The following PABPC4L variants were observed in gnomAD, a reference collection of about 807,000 sequenced individuals.
PABPC4L encodes poly(A) binding protein cytoplasmic 4 like.
For synonymous variants in PABPC4L, 169 were observed against 164.1 expected (o/e 1.03, Z -0.23); for missense variants, 452 against 451.4 (o/e 1.00, Z -0.01).
the PABPC4L span, among the ~76,000 whole-genome samples, chr4:133,976,168 C>T: frequency 1.3e-5 from 2 of 152,052 alleles, no homozygotes; most frequent in Admixed American, 6.6e-5. Flanking sequence ...CATATGTTCT[C>T]ATTGTTCAGG....
At chr4:133,952,165 G>A in the PABPC4L span, among the ~76,000 whole-genome samples, 10 of 152,092 alleles carry the variant, frequency 6.6e-5, no homozygotes, top group African/African-American at 2.2e-4. Flanking sequence ...TTGAAGGTTG[G>A]AATTCCTCCA....
chr4:133,980,558 G>A, the PABPC4L span, among the ~76,000 whole-genome samples: 1 of 152,172 alleles, frequency 6.6e-6, no homozygotes, highest in Non-Finnish European at 1.5e-5. Flanking sequence ...GACAGGGAAA[G>A]AGAAACTTCT....
chr4:134,120,631 T>C, the PABPC4L span, among the ~76,000 whole-genome samples: 688 of 151,292 alleles, frequency 4.5e-3, 9 homozygotes, highest in African/African-American at 0.016. Context: ...TACTTCTATG[T>C]TCCTTCAAGA....
the PABPC4L span, among the ~76,000 whole-genome samples, chr4:133,961,505 G>A: frequency 6.6e-6 from 1 of 152,238 alleles, no homozygotes; most frequent in South Asian, 2.1e-4. Flanking sequence ...AAAACAGGAG[G>A]TAAAGAAATA....
the PABPC4L span, among the ~76,000 whole-genome samples, chr4:134,106,932 G>A: frequency 4.9e-4 from 75 of 151,518 alleles, 2 homozygotes; most frequent in Non-Finnish European, 9.5e-4. Flanking sequence ...TGAGCATACA[G>A]AGCATTGGCA....
At chr4:134,144,306 C>T in the PABPC4L span, among the ~76,000 whole-genome samples, 68 of 151,590 alleles carry the variant, frequency 4.5e-4, no homozygotes, top group East Asian at 8.7e-3. Flanking sequence ...ATTCCCTATA[C>T]CTATCTATTT....
chr4:134,148,520 G>A, the PABPC4L span, among the ~76,000 whole-genome samples: 1 of 151,950 alleles, frequency 6.6e-6, no homozygotes, highest in Admixed American at 6.6e-5. Flanking sequence ...TCAGCAGTTC[G>A]GCTAGTCCAG....
the PABPC4L span, among the ~76,000 whole-genome samples, chr4:134,028,151 A>T: frequency 6.6e-6 from 1 of 152,164 alleles, no homozygotes; most frequent in African/African-American, 2.4e-5. Context: ...CAGAAACTCT[A>T]GAGATAGGAC....
chr4:134,155,183 C>T, the PABPC4L span, among the ~76,000 whole-genome samples: 1 of 151,978 alleles, frequency 6.6e-6, no homozygotes, highest in African/African-American at 2.4e-5. Flanking sequence ...TTATCCAGTA[C>T]TTTAATTTGA....
chr4:133,949,485 G>A, the PABPC4L span, among the ~76,000 whole-genome samples: 1 of 152,080 alleles, frequency 6.6e-6, no homozygotes, highest in African/African-American at 2.4e-5. Flanking sequence ...CCAGTGAAGG[G>A]GCTCTCTCAT....
chr4:134,192,078 T>C (rs1729525904), downstream of PABPC4L, among the ~76,000 whole-genome samples: 1 of 152,120 alleles, frequency 6.6e-6, no homozygotes, highest in African/African-American at 2.4e-5. Flanking sequence ...TGAATGTTCA[T>C]AGCAGTAGTA....
the PABPC4L span, among the ~76,000 whole-genome samples, chr4:134,155,504 T>C: frequency 2.0e-5 from 3 of 151,844 alleles, no homozygotes; most frequent in Admixed American, 6.6e-5. Context: ...TCTATGTCTA[T>C]CTTCCCCATT....
the PABPC4L span, among the ~76,000 whole-genome samples, chr4:134,125,570 A>G: frequency 6.6e-6 from 1 of 152,274 alleles, no homozygotes; most frequent in Admixed American, 6.5e-5. Context: ...AAAATTAAAT[A>G]AATTAAAAGA....
chr4:133,987,133 G>T, the PABPC4L span, among the ~76,000 whole-genome samples: 1 of 152,114 alleles, frequency 6.6e-6, no homozygotes, highest in African/African-American at 2.4e-5. Context: ...TGTTGTTGTT[G>T]TTGTTGTTTT....
chr4:133,999,504 T>C, the PABPC4L span, among the ~76,000 whole-genome samples: 6 of 152,158 alleles, frequency 3.9e-5, no homozygotes, highest in African/African-American at 1.4e-4. Context: ...ATATATATTT[T>C]ATAATGTTTC....
chr4:133,955,901 T>C, the PABPC4L span, among the ~76,000 whole-genome samples: 3 of 152,324 alleles, frequency 2.0e-5, no homozygotes, highest in African/African-American at 7.2e-5. Flanking sequence ...GTTGTCTCTA[T>C]GTTTTCATTT....
the PABPC4L span, among the ~76,000 whole-genome samples, chr4:134,070,433 G>T: frequency 6.6e-6 from 1 of 152,062 alleles, no homozygotes; most frequent in African/African-American, 2.4e-5. Flanking sequence ...GTGCAAGGCT[G>T]TTGGCCTCCT....
At chr4:134,126,633 C>T in the PABPC4L span, among the ~76,000 whole-genome samples, 107,669 of 151,966 alleles carry the variant, frequency 0.71, 39,715 homozygotes, top group East Asian at 1. Flanking sequence ...TCCTATAAAA[C>T]TTCCAAATTG....
chr4:134,074,071 T>G, the PABPC4L span, among the ~76,000 whole-genome samples: 1 of 152,216 alleles, frequency 6.6e-6, no homozygotes, highest in South Asian at 2.1e-4. Flanking sequence ...TGCAAATTTC[T>G]GCAGCCAGCT....
Sources: allele counts gnomAD v4.1 joint callset (sites outside exome capture counted in the v4.1 genomes callset), GRCh38; gene constraint gnomAD v4.1.1; transcripts MANE v1.5; gene names NCBI Gene and HGNC (gene_info 2026-07-23, HGNC 2026-07-21).